Variants in GAS5 observed in about 807,000 individuals in gnomAD.
GAS5 encodes growth arrest specific 5 (non-protein coding).
chr1:173,864,022 A>AG (rs753596705), intron 7 of GAS5: 11 of 359,784 alleles, frequency 3.1e-5, no homozygotes, highest in Admixed American at 9.7e-5. Context: ...CAGAAGTTTG[A>AG]GGCTGTAGTA....
At chr1:173,867,220 T>G (rs1192758356), upstream of GAS5, 4 of 538,466 alleles carry the variant, frequency 7.4e-6, no homozygotes, top group Non-Finnish European at 1.3e-5. Flanking sequence ...CACCCGCAGT[T>G]AAGAACCACC....
At chr1:173,866,922 T>G (rs781715172) in intron 1 of GAS5, 4 of 765,380 alleles carry the variant, frequency 5.2e-6, no homozygotes, top group Non-Finnish European at 9.6e-6. Context: ...TCCACTACTC[T>G]TAAAGCATCA....
At chr1:173,867,731 C>T (rs756682473), upstream of GAS5, 4 of 519,142 alleles carry the variant, frequency 7.7e-6, no homozygotes, top group South Asian at 1.4e-5. Flanking sequence ...CCAACACAGG[C>T]TTCATCAGAG....
chr1:173,864,099 C>T (rs748930578), intron 7 of GAS5: 1 of 503,520 alleles, frequency 2.0e-6, no homozygotes, highest in South Asian at 1.4e-5. Context: ...TAAGACAAGA[C>T]TTTTAGCCAC....
At chr1:173,864,360 TAGTAG>T (rs753906528) in intron 6 of GAS5, 11 of 518,852 alleles carry the variant, frequency 2.1e-5, no homozygotes, top group Non-Finnish European at 3.8e-5. Context: ...TGATGCTTGT[TAGTAG>T]AGTAACCTCA....
At chr1:173,865,002 T>C in intron 6 of GAS5, 1 of 470,030 alleles carries the variant, frequency 2.1e-6, no homozygotes, top group Non-Finnish European at 4.3e-6. Flanking sequence ...GCAGTATCAC[T>C]TGAGGTCAAG....
At chr1:173,867,451 G>A (rs2102695020), upstream of GAS5, 1 of 359,008 alleles carries the variant, frequency 2.8e-6, no homozygotes, top group Non-Finnish European at 5.5e-6. Flanking sequence ...CGCGGAGGTT[G>A]CCATTAACCG....
rs149632104 is a variant in GAS5 at position 173,866,732 on chromosome 1, A to T, written n.91+29T>A. The T allele has an allele frequency of 1.9e-3, 1,457 of 765,430 alleles. 6 individuals carry two copies. Among genetic ancestry groups the T allele is most frequent in the Middle Eastern group, 2.5e-3 (11 of 4,440 alleles). The allele number at this position is 765,430 out of a possible 1,614,324, so 47.4% of individuals were successfully genotyped here. On this transcript the variant is annotated intron_variant and non_coding_transcript_variant, in intron 2 of 7. Coordinates refer to ENST00000651080, the Ensembl canonical transcript of GAS5. ...ATTGTGGCACATCCAATGGCTTTAAACCTTTTTGAGAGGGAATTTTCAACT... is the reference window on the plus strand; with the variant it reads ...ATTGTGGCACATCCAATGGCTTTAATCCTTTTTGAGAGGGAATTTTCAACT...
chr1:173,867,020 C>T (rs1036455521), exon 1 of GAS5: 49 of 763,952 alleles, frequency 6.4e-5, no homozygotes, highest in Non-Finnish European at 1.1e-4. Context: ...CAGAGCCACA[C>T]TGCATCTGCA....
At chr1:173,866,523 C>A in intron 3 of GAS5, 1 of 708,702 alleles carries the variant, frequency 1.4e-6, no homozygotes, top group Non-Finnish European at 2.6e-6. Context: ...ATAGAGGTGT[C>A]TCACCTGTGT....
intron 3 of GAS5, chr1:173,866,237 A>G (rs891505186): frequency 6.6e-5 from 32 of 486,266 alleles, no homozygotes; most frequent in Non-Finnish European, 1.1e-4. Context: ...TGTCAGCAAA[A>G]AATATTTTAA....
intron 2 of GAS5, chr1:173,866,575 G>A (rs1008511853): frequency 1.2e-5 from 9 of 758,918 alleles, no homozygotes; most frequent in African/African-American, 3.4e-5. Flanking sequence ...GACCTGGGAA[G>A]AAACAACTTC....
intron 7 of GAS5, chr1:173,864,143 A>G: frequency 1.9e-6 from 1 of 517,386 alleles, no homozygotes; most frequent in South Asian, 1.4e-5. Flanking sequence ...CTACATGGGA[A>G]TGCAGAATAT....
upstream of GAS5, chr1:173,868,964 C>T (rs1332815790): frequency 1.3e-5 from 2 of 152,816 alleles, no homozygotes; most frequent in East Asian, 3.9e-4. Context: ...AAAGACTTTC[C>T]TCCAGGGGCT....
exon 6 of GAS5, chr1:173,865,515 CA>C (rs1458244493): frequency 1.2e-5 from 6 of 510,118 alleles, no homozygotes; most frequent in Middle Eastern, 3.2e-4. Flanking sequence ...CTTACCCAAG[CA>C]AGTCATCCAT....
upstream of GAS5, among the ~76,000 whole-genome samples, chr1:173,868,579 T>G (rs1292840013): frequency 6.6e-6 from 1 of 152,154 alleles, no homozygotes; most frequent in African/African-American, 2.4e-5. Context: ...CCGGCCGGGC[T>G]GATCTGCCGG....
intron 6 of GAS5, chr1:173,865,448 G>A (rs780582683): frequency 9.8e-6 from 5 of 512,374 alleles, no homozygotes; most frequent in East Asian, 5.5e-5. Context: ...ATCAATTAAC[G>A]TTAACATCAA....
At chr1:173,864,347 G>T (rs777486357) in intron 6 of GAS5, 6 of 518,602 alleles carry the variant, frequency 1.2e-5, no homozygotes, top group Non-Finnish European at 2.3e-5. Context: ...AAATACAAAT[G>T]TGTGATGCTT....
upstream of GAS5, chr1:173,868,164 A>G (rs1474625678): frequency 6.3e-6 from 1 of 158,426 alleles, no homozygotes; most frequent in African/African-American, 2.4e-5. Flanking sequence ...CTTCCTCGCC[A>G]TTGTGGGCAG....
Sources: allele counts gnomAD v4.1 joint callset (sites outside exome capture counted in the v4.1 genomes callset), GRCh38; gene constraint gnomAD v4.1.1; transcripts MANE v1.5; gene names NCBI Gene and HGNC (gene_info 2026-07-23, HGNC 2026-07-21).